Variants in FBXO25 observed in about 807,000 individuals in gnomAD.
FBXO25 encodes F-box protein 25.
Under a neutral mutation model 51.9 loss-of-function variants are expected in FBXO25, and 45 were observed. That is an observed-to-expected ratio of 0.87 (90% CI 0.68 to 1.11). The LOEUF is 1.11. Among genes scored for constraint, FBXO25 ranks in the 50% most tolerant of loss-of-function variants. FBXO25 has a pLI of 0.00. For synonymous variants in FBXO25, 199 were observed against 151.0 expected (o/e 1.32, Z -2.33); for missense variants, 507 against 428.5 (o/e 1.18, Z -1.62).
At position 476,446 on chromosome 8, in the gene FBXO25, A is replaced by C. The variant is rs1800646837; in HGVS notation, c.*7642A>C. 1 of 152,148 alleles carries C rather than the reference A, an allele frequency of 6.6e-6. No individual in the cohort carries two copies. The highest frequency in any genetic ancestry group is 2.1e-4 in the South Asian group (1 of 4,826). The allele number at this position is 152,148 out of a possible 1,614,324, so 9.4% of individuals were successfully genotyped here. On this transcript the variant is annotated 3_prime_UTR_variant, in exon 10 of 10. Coordinates refer to ENST00000350302, the MANE Select transcript of FBXO25 (RefSeq NM_183420.2). ...GGAAGAGTTTGAGGAGAATTGATTT[A>C]ATTCTTCAGATGTTTGCCAGAATTC...
intron 9 of FBXO25, among the ~76,000 whole-genome samples, chr8:464,639 G>A (rs868299135): frequency 6.6e-6 from 1 of 152,222 alleles, no homozygotes; most frequent in African/African-American, 2.4e-5. Flanking sequence ...TTGTCGGAAA[G>A]AGACAACTGC....
intron 1 of FBXO25, among the ~76,000 whole-genome samples, chr8:409,724 G>C (rs1369353985): frequency 1.3e-5 from 2 of 151,930 alleles, no homozygotes; most frequent in Non-Finnish European, 2.9e-5. Flanking sequence ...CTGTTGGCAA[G>C]ATATTTGTTG....
In FBXO25 at chr8:469,192, G is replaced by T. The variant is rs1256494778; in HGVS notation, c.*388G>T. ...TTTCCCAATTGGGAAACTAATTGGG[G>T]GTGGGTTACAAAACATTTGATCCTT... On this transcript the variant is annotated 3_prime_UTR_variant, in exon 10 of 10. Coordinates refer to ENST00000350302, the MANE Select transcript of FBXO25 (RefSeq NM_183420.2). 3.5e-5 allele frequency: 6 copies of T among 169,238 alleles called. No individual in the cohort carries two copies. The South Asian group carries it at 7.4e-4, about 21-fold the overall frequency. 10.5% of individuals were successfully genotyped at this position (169,238 alleles called of 1,614,324 possible).
chr8:468,641 G>A (rs957780653), intron 9 of FBXO25, 74 bp from the exon 10 acceptor site: 46 of 1,146,358 alleles, frequency 4.0e-5, no homozygotes, highest in Admixed American at 1.5e-4. Context: ...AGCAGCTGAC[G>A]ACCCCTCAAG....
intron 2 of FBXO25, among the ~76,000 whole-genome samples, chr8:422,748 C>T (rs1454047288): frequency 6.6e-6 from 1 of 152,170 alleles, no homozygotes; most frequent in Non-Finnish European, 1.5e-5. Context: ...TCAGTCGTGT[C>T]TGGGGCCTGC....
chr8:457,724 C>T (rs548609329), intron 7 of FBXO25, among the ~76,000 whole-genome samples: 24 of 152,330 alleles, frequency 1.6e-4, no homozygotes, highest in South Asian at 1.0e-3. Context: ...AGGTGATGGA[C>T]AGTGAGCTGG....
intron 5 of FBXO25, among the ~76,000 whole-genome samples, chr8:444,484 A>G (rs1293984704): frequency 6.6e-6 from 1 of 152,208 alleles, no homozygotes; most frequent in African/African-American, 2.4e-5. Flanking sequence ...TAAGATCTCT[A>G]ATTCTTTGAA....
At chr8:408,827 G>C (rs570601513) in intron 1 of FBXO25, among the ~76,000 whole-genome samples, 18 of 152,310 alleles carry the variant, frequency 1.2e-4, no homozygotes, top group Non-Finnish European at 2.6e-4. Flanking sequence ...TAGGCTGTCT[G>C]AAATAAGTTG....
chr8:416,313 G>A (rs112433690), intron 2 of FBXO25, among the ~76,000 whole-genome samples: 17,503 of 152,104 alleles, frequency 0.12, 1,071 homozygotes, highest in South Asian at 0.17. Context: ...CAAAACAACC[G>A]GATCTCTTGT....
Position 451,430 on chromosome 8 carries a change from C to A in FBXO25, c.637C>A (p.Leu213Ile). 1.2e-6 allele frequency: 2 copies of A among 1,613,760 alleles called. No homozygotes were observed. The highest frequency in any genetic ancestry group is 1.7e-6 in the Non-Finnish European group (2 of 1,179,872). Residue 213 changes from leucine (L) to isoleucine (I), a missense_variant, in exon 7 of 10, where the codon CTA becomes ATA. Physicochemically the swap from Leu to Ile is conservative, Grantham distance 5. Coordinates refer to ENST00000350302, the MANE Select transcript of FBXO25 (RefSeq NM_183420.2). ...LETILAWQQQ[L>I]QDLQMTKQVN... ...AACTATTCTCGCCTGGCAACAACAG[C>A]TACAGGATCTTCAGATGACTAAGGT...
chr8:462,705 A>G (rs901967131), intron 8 of FBXO25, among the ~76,000 whole-genome samples: 5 of 152,296 alleles, frequency 3.3e-5, no homozygotes, highest in African/African-American at 1.2e-4. Flanking sequence ...CGGGTACACA[A>G]AGGCATTCAG....
intron 4 of FBXO25, 56 bp from the exon 5 acceptor site, chr8:435,559 A>G: frequency 6.3e-7 from 1 of 1,577,130 alleles, no homozygotes. Flanking sequence ...ATTGACATTA[A>G]CTGCCAATTC....
chr8:459,752 A>G (rs533935260), intron 8 of FBXO25, among the ~76,000 whole-genome samples: 1 of 152,316 alleles, frequency 6.6e-6, no homozygotes, highest in South Asian at 2.1e-4. Flanking sequence ...TGGAGAGGAC[A>G]GGAGGCAACG....
intron 5 of FBXO25, among the ~76,000 whole-genome samples, chr8:441,540 T>G (rs1452496836): frequency 1.3e-5 from 2 of 152,198 alleles, no homozygotes; most frequent in African/African-American, 4.8e-5. Context: ...ACTAAAAAGC[T>G]TCTGCATAGC....
intron 9 of FBXO25, 49 bp from the exon 10 acceptor site, chr8:468,664 AGT>A: frequency 7.1e-7 from 1 of 1,413,044 alleles, no homozygotes; most frequent in East Asian, 2.3e-5. Context: ...CCATCACTAG[AGT>A]GTGGCTGGTG....
chr8:425,426 C>G (rs1347139115), intron 2 of FBXO25, among the ~76,000 whole-genome samples: 1 of 149,704 alleles, frequency 6.7e-6, no homozygotes, highest in South Asian at 2.1e-4. Flanking sequence ...TAATCAGATA[C>G]CTAGTGGTTT....
At chr8:461,347 C>T (rs1003112188) in intron 8 of FBXO25, among the ~76,000 whole-genome samples, 5 of 152,152 alleles carry the variant, frequency 3.3e-5, no homozygotes, top group African/African-American at 9.7e-5. Context: ...TTAATGGACT[C>T]ACAGTTTGAT....
intron 5 of FBXO25, among the ~76,000 whole-genome samples, chr8:435,991 G>C (rs1798082900): frequency 6.6e-6 from 1 of 152,230 alleles, no homozygotes; most frequent in Admixed American, 6.5e-5. Flanking sequence ...TCCCTTGGGG[G>C]TTGTACCACG....
chr8:441,602 T>C (rs1258163176), intron 5 of FBXO25, among the ~76,000 whole-genome samples: 2 of 152,154 alleles, frequency 1.3e-5, no homozygotes, highest in Non-Finnish European at 2.9e-5. Context: ...GGGAGAAAAT[T>C]TTTGCAATCT....
Sources: allele counts gnomAD v4.1 joint callset (sites outside exome capture counted in the v4.1 genomes callset), GRCh38; gene constraint gnomAD v4.1.1; transcripts MANE v1.5; gene names NCBI Gene and HGNC (gene_info 2026-07-23, HGNC 2026-07-21).